GAL3ST4: variants seen among roughly 807,000 people sequenced by gnomAD.
GAL3ST4 encodes galactose-3-O-sulfotransferase 4, also known as beta-galactose-3-O-sulfotransferase 4.
A neutral mutation model predicts 31.6 loss-of-function variants in GAL3ST4; 30 were observed. The ratio of observed to expected loss-of-function variants is 0.95; its 90% CI spans 0.71 to 1.29. The LOEUF (loss-of-function observed/expected upper bound fraction) is 1.29. Ranked by LOEUF, GAL3ST4 falls within the 50% of genes most tolerant of loss-of-function variation. The pLI is 0.00. For synonymous variants in GAL3ST4, 248 were observed against 256.9 expected (o/e 0.97, Z 0.33); for missense variants, 629 against 625.2 (o/e 1.01, Z -0.06).
At position 100,168,126 on chromosome 7, in the gene GAL3ST4, G is replaced by A. The variant is rs1394848957; in HGVS notation, c.-189+420C>T. On this transcript the variant is annotated intron_variant, in intron 1 of 3. Coordinates refer to ENST00000360039, the MANE Select transcript of GAL3ST4 (RefSeq NM_024637.5). This position sits in a 1 kb window ranked among gnomAD's most constrained non-coding sequence, Gnocchi z 4.1. The stretch of plus-strand genomic sequence containing the variant: ...CACTAACTGCAGAGTTCCTTCTGAA[G>A]CCCGAGCTTCCTAATCAACCGGGAG... The A allele has an allele frequency of 6.6e-6, 1 of 152,154 alleles. No homozygotes were observed. Among genetic ancestry groups the A allele is most frequent in the Admixed American group, 6.6e-5 (1 of 15,260 alleles). The allele number at this position is 152,154 out of a possible 1,614,324, so 9.4% of individuals were successfully genotyped here.
chr7:100,166,775 C>T lies in GAL3ST4; in HGVS notation c.156G>A (p.Ser52=), dbSNP rs143358957. 7.9e-5 allele frequency: 128 copies of T among 1,610,688 alleles called. 1 individual carries two copies. Among genetic ancestry groups the T allele is most frequent in the African/African-American group, 4.3e-4 (32 of 74,976 alleles). ...GAAGGGCTGGTCGTAGGGATGGGGC[C>T]GAGGGCTGTCGGAGCTGTAGCCCAG... ...RLPGLQLRQP[S]APSLRPALPS... Residue 52 remains serine, a synonymous_variant, in exon 3 of 4, where the codon TCG becomes TCA. Coordinates refer to ENST00000360039, the MANE Select transcript of GAL3ST4 (RefSeq NM_024637.5).
chr7:100,166,853 G>A (rs146768424), intron 2 of GAL3ST4, 48 bp from the exon 3 acceptor site: 14 of 1,556,206 alleles, frequency 9.0e-6, no homozygotes, highest in Middle Eastern at 1.8e-4. Context: ...CAGCAAATGG[G>A]TAGAAGGGAC....
chr7:100,166,314 C>T (rs1197133347), intron 3 of GAL3ST4, among the ~76,000 whole-genome samples, 188 bp downstream of exon 3: 1 of 152,140 alleles, frequency 6.6e-6, no homozygotes, highest in East Asian at 1.9e-4. Flanking sequence ...AGGACTTGGG[C>T]TCCCAGAAAC....
At chr7:100,165,735 C>T (rs777844416) in intron 3 of GAL3ST4, among the ~76,000 whole-genome samples, 3 of 151,636 alleles carry the variant, frequency 2.0e-5, no homozygotes, top group East Asian at 1.9e-4. Context: ...GTGAGAGGAT[C>T]GCTTGAGCCC....
intron 3 of GAL3ST4, among the ~76,000 whole-genome samples, chr7:100,162,469 T>G (rs1245279494): frequency 6.9e-6 from 1 of 145,182 alleles, no homozygotes; most frequent in Non-Finnish European, 1.5e-5. Flanking sequence ...CGCTTGAAGC[T>G]GGGTGGCAGA....
chr7:100,161,486 T>TA (rs1799002852), intron 3 of GAL3ST4, among the ~76,000 whole-genome samples: 1 of 151,028 alleles, frequency 6.6e-6, no homozygotes, highest in South Asian at 2.1e-4. Context: ...CCGTCTCTAC[T>TA]AAAAATACAA....
Position 100,166,488 on chromosome 7 carries a change from G to T in GAL3ST4, c.429+14C>A. ...TCTGTTTCTGGTCCCTCCCACCACT[G>T]CGACACTCCTTACCTCTTTCAGGTT... On this transcript the variant is annotated intron_variant, in intron 3 of 3. Coordinates refer to ENST00000360039, the MANE Select transcript of GAL3ST4 (RefSeq NM_024637.5). The T allele has an allele frequency of 6.3e-7, 1 of 1,599,690 alleles. No homozygotes were observed. Among genetic ancestry groups the T allele is most frequent in the East Asian group, 2.2e-5 (1 of 44,632 alleles).
At chr7:100,163,475 CT>C (rs397889093) in intron 3 of GAL3ST4, among the ~76,000 whole-genome samples, 30,998 of 133,378 alleles carry the variant, frequency 0.23, 3,638 homozygotes, top group Middle Eastern at 0.43. Flanking sequence ...TGTGAACTCT[CT>C]TTTTTTTTTT....
chr7:100,163,769 A>G (rs570169963), intron 3 of GAL3ST4, among the ~76,000 whole-genome samples: 1 of 152,210 alleles, frequency 6.6e-6, no homozygotes, highest in Non-Finnish European at 1.5e-5. Flanking sequence ...TCCTGGGCTC[A>G]AGTAATCCTC....
At chr7:100,167,324 GAGAGGC>G in intron 1 of GAL3ST4, 41 bp from the exon 2 acceptor site, 1 of 1,072,996 alleles carries the variant, frequency 9.3e-7, no homozygotes, top group Non-Finnish European at 1.3e-6. Flanking sequence ...AGTCTAAGGA[GAGAGGC>G]AGAGGCAGCC....
chr7:100,160,467 C>T lies in GAL3ST4; in HGVS notation c.922G>A (p.Asp308Asn), dbSNP rs201871972. ...TCTGCCAGCAGAACCAATGACTCAT[C>T]GAAGTACTCAGCCACCATGACCAGG... ...FDLVMVAEYF[D>N]ESLVLLADAL... Residue 308 changes from aspartate to asparagine, a missense_variant, in exon 4 of 4, where the codon GAT (aspartate) becomes AAT (asparagine). By Grantham distance (23) the Asp-to-Asn change is conservative (BLOSUM62 1). Coordinates refer to ENST00000360039, the MANE Select transcript of GAL3ST4 (RefSeq NM_024637.5). 127 of 1,613,976 alleles carry T rather than the reference C, an allele frequency of 7.9e-5. No individual in the cohort carries two copies. The highest frequency in any genetic ancestry group is 1.0e-4 in the Non-Finnish European group (123 of 1,180,032).
rs932663508 is a variant in GAL3ST4 at position 100,160,677 on chromosome 7, G to A, written c.712C>T (p.Pro238Ser). The A allele has an allele frequency of 4.3e-6, 7 of 1,613,886 alleles. No individual in the cohort carries two copies. Among genetic ancestry groups the A allele is most frequent in the Non-Finnish European group, 5.9e-6 (7 of 1,180,016 alleles). ...CCAGAAGGCAAGACCTGCAGCTGTGGGGGGTTGGGGTCTCTGGGGGGATGA... is the reference window on the plus strand; with the variant it reads ...CCAGAAGGCAAGACCTGCAGCTGTGAGGGGTTGGGGTCTCTGGGGGGATGA... The part of the protein sequence containing the change: ...NIHPPRDPNP[P>S]QLQVLPSGAG... The change falls in exon 4 of 4, where the codon CCA becomes TCA. Residue 238 changes from proline (P) to serine (S), a missense_variant. Coordinates refer to ENST00000360039, the MANE Select transcript of GAL3ST4 (RefSeq NM_024637.5).
Position 100,160,279 on chromosome 7 carries a change from A to T in GAL3ST4, c.1110T>A (p.Tyr370Ter), listed in dbSNP as rs748749819. ...RAWNNLDWAL[Y>*]VHFNRSLWAR... ...CCCAGAGACTGCGGTTGAAGTGGACATAGAGAGCCCAGTCCAGGTTGTTCC... is the reference window on the plus strand; with the variant it reads ...CCCAGAGACTGCGGTTGAAGTGGACTTAGAGAGCCCAGTCCAGGTTGTTCC... Residue 370 changes from tyrosine to a stop codon, truncating the protein, a stop_gained, in exon 4 of 4, where the codon TAT (tyrosine) becomes TAA (stop). Coordinates refer to ENST00000360039, the MANE Select transcript of GAL3ST4 (RefSeq NM_024637.5). LOFTEE classifies it high-confidence loss of function. The T allele has an allele frequency of 6.2e-7, 1 of 1,613,864 alleles. No homozygotes were observed. Among genetic ancestry groups the T allele is most frequent in the Non-Finnish European group, 8.5e-7 (1 of 1,179,976 alleles).
intron 3 of GAL3ST4, among the ~76,000 whole-genome samples, chr7:100,164,402 C>T (rs1799043443): frequency 6.6e-6 from 1 of 152,168 alleles, no homozygotes; most frequent in Non-Finnish European, 1.5e-5. Flanking sequence ...CGGTGGCTGA[C>T]ACCTGGAATC....
intron 3 of GAL3ST4, among the ~76,000 whole-genome samples, chr7:100,161,719 G>A (rs945659829): frequency 6.6e-6 from 1 of 151,478 alleles, no homozygotes; most frequent in African/African-American, 2.4e-5. Flanking sequence ...TAAATAAAAT[G>A]TGGCACATAT....
At chr7:100,164,876 CTTT>C (rs1176405671) in intron 3 of GAL3ST4, among the ~76,000 whole-genome samples, 4 of 137,582 alleles carry the variant, frequency 2.9e-5, no homozygotes, top group Admixed American at 7.4e-5. Context: ...TCTTTCTTTC[CTTT>C]TTTTTTTTTT....
intron 3 of GAL3ST4, among the ~76,000 whole-genome samples, chr7:100,161,738 G>A (rs902088335): frequency 6.6e-6 from 1 of 152,122 alleles, no homozygotes; most frequent in Non-Finnish European, 1.5e-5. Flanking sequence ...ATACACCATG[G>A]AATACTATGC....
At position 100,159,264 on chromosome 7, in the gene GAL3ST4, C is replaced by A. The variant is rs1412267801; in HGVS notation, c.*664G>T. Reference sequence around the variant, plus strand: ...AAGTAGAAGTTTCAAATTATTTATTCATTCAACAAACATGTCAGAGAGAAA... The same window carrying A: ...AAGTAGAAGTTTCAAATTATTTATTAATTCAACAAACATGTCAGAGAGAAA... On this transcript the variant is annotated 3_prime_UTR_variant, in exon 4 of 4. Coordinates refer to ENST00000360039, the MANE Select transcript of GAL3ST4 (RefSeq NM_024637.5). 1 of 152,150 alleles carries A rather than the reference C, an allele frequency of 6.6e-6. No homozygotes were observed. The highest frequency in any genetic ancestry group is 2.4e-5 in the African/African-American group (1 of 41,436). 9.4% of individuals were successfully genotyped at this position (152,150 alleles called of 1,614,324 possible).
In GAL3ST4 at chr7:100,160,735, A is replaced by T; in HGVS notation, c.654T>A (p.Phe218Leu). The T allele has an allele frequency of 6.2e-7, 1 of 1,613,948 alleles. No individual in the cohort carries two copies. ...NLLWFDFGLP[F>L]PPEKRAKRGN... ...CTCTCTTGGCCCTCTTCTCTGGGGGAAAGGGCAGGCCAAAGTCAAACCATA... is the reference window on the plus strand; with the variant it reads ...CTCTCTTGGCCCTCTTCTCTGGGGGTAAGGGCAGGCCAAAGTCAAACCATA... Residue 218 changes from phenylalanine to leucine, a missense_variant, in exon 4 of 4, where the codon TTT (phenylalanine) becomes TTA (leucine). By Grantham distance (22) the Phe-to-Leu change is conservative. Coordinates refer to ENST00000360039, the MANE Select transcript of GAL3ST4 (RefSeq NM_024637.5).
Sources: allele counts gnomAD v4.1 joint callset (sites outside exome capture counted in the v4.1 genomes callset), GRCh38; gene constraint gnomAD v4.1.1; non-coding constraint Gnocchi (gnomAD v3.1); transcripts MANE v1.5; gene names NCBI Gene and HGNC (gene_info 2026-07-23, HGNC 2026-07-21).